The following NUBPL variants were observed in gnomAD, a reference collection of about 807,000 sequenced individuals.
NUBPL encodes NUBP iron-sulfur cluster assembly factor, mitochondrial.
Under a neutral mutation model 45.7 loss-of-function variants are expected in NUBPL, and 31 were observed. The observed-to-expected ratio is 0.68, with a 90% CI of 0.51 to 0.92. The LOEUF is 0.92. Among genes scored for constraint, NUBPL ranks in the 40% least tolerant of loss-of-function variants. The probability of loss-of-function intolerance (pLI) is 0.00; values close to 1 mark genes in which losing one functional copy is unlikely to be tolerated. For missense variants in NUBPL, 401 were observed against 398.7 expected, an observed-to-expected ratio of 1.01 and a Z score of -0.05; for synonymous variants, 144 against 140.9, an observed-to-expected ratio of 1.02 and a Z score of -0.15.
At chr14:31,624,744 T>C (rs972376164) in intron 4 of NUBPL, among the ~76,000 whole-genome samples, 1 of 152,168 alleles carries the variant, frequency 6.6e-6, no homozygotes, top group African/African-American at 2.4e-5. Context: ...TTTGTATTTT[T>C]AGTAGAGACA....
At chr14:31,631,112 G>A (rs1324242312) in intron 4 of NUBPL, among the ~76,000 whole-genome samples, 1 of 152,124 alleles carries the variant, frequency 6.6e-6, no homozygotes, top group Non-Finnish European at 1.5e-5. Flanking sequence ...AACTGGGGCA[G>A]TCATAGAGCT....
At chr14:31,642,843 T>G (rs772354107) in intron 4 of NUBPL, among the ~76,000 whole-genome samples, 17 of 152,178 alleles carry the variant, frequency 1.1e-4, no homozygotes, top group Non-Finnish European at 2.2e-4. Flanking sequence ...ATCAGTGTTT[T>G]ATGGTTTTCC....
At chr14:31,854,980 A>G (rs2040594020) in intron 10 of NUBPL, among the ~76,000 whole-genome samples, 1 of 152,240 alleles carries the variant, frequency 6.6e-6, no homozygotes, top group Non-Finnish European at 1.5e-5. Context: ...AATGTGATAT[A>G]TTAGAAGTCA....
chr14:31,732,909 G>A (rs755338799), intron 6 of NUBPL, among the ~76,000 whole-genome samples: 22 of 151,966 alleles, frequency 1.4e-4, no homozygotes, highest in Non-Finnish European at 2.9e-4. Flanking sequence ...CACCGCGCCC[G>A]GCCTATTCTT....
In NUBPL at chr14:31,711,180, C is replaced by T. The variant is rs187553760; in HGVS notation, c.513+37606C>T. On this transcript the variant is annotated intron_variant, in intron 6 of 10. Coordinates refer to ENST00000281081, the MANE Select transcript of NUBPL (RefSeq NM_025152.3). The stretch of plus-strand genomic sequence containing the variant: ...GTCAACCAACTTGTTGTTCGGACCC[C>T]GGAGCTGAATGGCTTTCCTCTCTGT... 8.0e-3 allele frequency among the ~76,000 whole-genome samples: 1,217 copies of T among 152,220 alleles called. 10 individuals carry two copies. The highest frequency in any genetic ancestry group is 0.012 in the Non-Finnish European group (804 of 68,014).
intron 6 of NUBPL, among the ~76,000 whole-genome samples, chr14:31,720,620 T>A (rs2037787318): frequency 1.3e-5 from 2 of 152,216 alleles, no homozygotes; most frequent in Non-Finnish European, 1.5e-5. Flanking sequence ...CTTCTTACTT[T>A]CTTCTTCAAT....
intron 7 of NUBPL, among the ~76,000 whole-genome samples, chr14:31,800,316 T>C (rs1401327137): frequency 5.3e-5 from 8 of 152,208 alleles, no homozygotes; most frequent in African/African-American, 1.7e-4. Context: ...CAAATGTTAT[T>C]TGGTACAGTG....
intron 6 of NUBPL, among the ~76,000 whole-genome samples, chr14:31,706,786 A>C (rs953438552): frequency 3.5e-4 from 53 of 152,344 alleles, no homozygotes; most frequent in African/African-American, 1.3e-3. Context: ...AGTGTGTGGC[A>C]GTAGGATAAT....
At chr14:31,706,634 G>A (rs2037459864) in intron 6 of NUBPL, among the ~76,000 whole-genome samples, 1 of 152,214 alleles carries the variant, frequency 6.6e-6, no homozygotes, top group Admixed American at 6.5e-5. Flanking sequence ...CTAAGAAGGT[G>A]CAGAGTCCTC....
At chr14:31,593,661 T>C (rs2034208743) in intron 3 of NUBPL, among the ~76,000 whole-genome samples, 1 of 150,440 alleles carries the variant, frequency 6.6e-6, no homozygotes, top group African/African-American at 2.5e-5. Flanking sequence ...AAAAGCAGGG[T>C]GGGGAATAGG....
At chr14:31,798,878 C>G (rs997816191) in intron 7 of NUBPL, among the ~76,000 whole-genome samples, 7 of 148,652 alleles carry the variant, frequency 4.7e-5, no homozygotes, top group Non-Finnish European at 1.0e-4. Context: ...TTCTAATTCT[C>G]TCTCCTTACC....
intron 4 of NUBPL, among the ~76,000 whole-genome samples, chr14:31,635,749 A>C (rs1305172772): frequency 6.6e-6 from 1 of 151,128 alleles, no homozygotes; most frequent in African/African-American, 2.4e-5. Flanking sequence ...ATTTGTTTGT[A>C]TCCTCTTTTA....
At chr14:31,810,648 G>C (rs2039784176) in intron 7 of NUBPL, among the ~76,000 whole-genome samples, 1 of 152,286 alleles carries the variant, frequency 6.6e-6, no homozygotes, top group South Asian at 2.1e-4. Flanking sequence ...GTGTGAATTT[G>C]ATCCTGTCAT....
At chr14:31,849,962 A>G (rs534287908) in intron 9 of NUBPL, 157 bp from the exon 10 acceptor site, 1 of 661,494 alleles carries the variant, frequency 1.5e-6, no homozygotes, top group East Asian at 2.7e-5. Context: ...TGTAATTCCC[A>G]TTTGAAATTT....
Position 31,841,903 on chromosome 14 carries a change from G to C in NUBPL, c.694-4568G>C, listed in dbSNP as rs573638108. Among the ~76,000 whole-genome samples the C allele has an allele frequency of 3.2e-5, 4 of 123,590 alleles. No homozygotes were observed. In the Admixed American group the frequency reaches 3.4e-4, roughly 11 times the overall value. 81.1% of individuals were successfully genotyped at this position (123,590 alleles called of 152,430 possible). A position where few individuals can be genotyped will look rare whatever the true frequency, so the allele number is the denominator to read the frequency against. ...TTGTAACTTAGTGACTTTCATGTAT[G>C]GGTCGATTCTGGGCTTTTTTTTTTT... On this transcript the variant is annotated intron_variant, in intron 8 of 10. Coordinates refer to ENST00000281081, the MANE Select transcript of NUBPL (RefSeq NM_025152.3).
chr14:31,588,803 C>T (rs1033128010), intron 3 of NUBPL, among the ~76,000 whole-genome samples: 1 of 150,948 alleles, frequency 6.6e-6, no homozygotes, highest in Non-Finnish European at 1.5e-5. Flanking sequence ...CTTGTAGTCC[C>T]AGCTGCTTGG....
intron 7 of NUBPL, among the ~76,000 whole-genome samples, chr14:31,808,981 T>C (rs143911764): frequency 7.2e-5 from 11 of 152,230 alleles, no homozygotes; most frequent in Non-Finnish European, 2.9e-5. Context: ...TTGATCATGG[T>C]GGATAAGCTT....
At chr14:31,588,632 C>T (rs760754088) in intron 3 of NUBPL, among the ~76,000 whole-genome samples, 2 of 151,748 alleles carry the variant, frequency 1.3e-5, no homozygotes, top group African/African-American at 2.4e-5. Context: ...ATAGTAATCA[C>T]CCGGCTGAGC....
rs543527836 is a variant in NUBPL, at chr14:31,789,218, C to G, written c.607+1345C>G. Among the ~76,000 whole-genome samples the G allele has an allele frequency of 4.0e-5, 6 of 151,806 alleles. 1 individual carries two copies. The South Asian group carries it at 6.3e-4, about 16-fold the overall frequency. On this transcript the variant is annotated intron_variant, in intron 7 of 10. Coordinates refer to ENST00000281081, the MANE Select transcript of NUBPL (RefSeq NM_025152.3). ...GCGGGCACCTGTAGTCCCAGCTACT[C>G]GGGAGGCTGAGGCAGGAGAATGACG... is the stretch of plus-strand genomic sequence containing the variant.
Sources: gnomAD v4.1 joint callset for allele counts (sites outside exome capture counted in the v4.1 genomes callset) on GRCh38, gnomAD v4.1.1 for gene constraint, MANE v1.5 for transcripts, NCBI Gene and HGNC (gene_info 2026-07-23, HGNC 2026-07-21) for gene names.